RUNX1: variants seen among roughly 807,000 people sequenced by gnomAD.
The protein encoded by RUNX1 is runt-related transcription factor 1.
Under a neutral mutation model 42.8 loss-of-function variants are expected in RUNX1, and 19 were observed. The ratio of observed to expected loss-of-function variants is 0.44; its 90% CI spans 0.31 to 0.65. The LOEUF (loss-of-function observed/expected upper bound fraction) is 0.65. RUNX1 is among the 30% of genes least tolerant of loss of function. The probability of loss-of-function intolerance (pLI) is 0.07; values close to 1 mark genes in which losing one functional copy is unlikely to be tolerated. For synonymous variants in RUNX1, 271 were observed against 289.4 expected (o/e 0.94, Z 0.64); for missense variants, 528 against 672.0 (o/e 0.79, Z 2.37).
At chr21:34,946,293 T>C (rs919676388) in intron 2 of RUNX1, among the ~76,000 whole-genome samples, 3 of 152,196 alleles carry the variant, frequency 2.0e-5, no homozygotes, top group African/African-American at 7.2e-5. Context: ...TTAATGTTTT[T>C]AACCTTTTCT....
At chr21:34,963,248 T>C (rs865859216) in intron 2 of RUNX1, among the ~76,000 whole-genome samples, 21 of 152,246 alleles carry the variant, frequency 1.4e-4, no homozygotes, top group Middle Eastern at 6.8e-3. Flanking sequence ...GAACCACTGC[T>C]CTGTGTTTAT....
intron 6 of RUNX1, among the ~76,000 whole-genome samples, chr21:34,856,604 T>C (rs183684448): frequency 3.0e-4 from 46 of 152,346 alleles, no homozygotes; most frequent in African/African-American, 1.1e-3. Flanking sequence ...CTTTTAAAGC[T>C]AGGCAAACCG....
intron 5 of RUNX1, among the ~76,000 whole-genome samples, chr21:34,864,393 G>A (rs922597398): frequency 1.3e-5 from 2 of 152,338 alleles, no homozygotes; most frequent in South Asian, 2.1e-4. Flanking sequence ...AAATAGCAAC[G>A]GCCCCAAAAT....
At chr21:34,980,345 A>C (rs994891990) in intron 2 of RUNX1, among the ~76,000 whole-genome samples, 1 of 152,240 alleles carries the variant, frequency 6.6e-6, no homozygotes, top group Admixed American at 6.5e-5. Flanking sequence ...AAGCCAGGCC[A>C]GTATGGGTCA....
intron 7 of RUNX1, among the ~76,000 whole-genome samples, chr21:34,809,550 T>TA (rs2056729774): frequency 6.6e-6 from 1 of 152,100 alleles, no homozygotes; most frequent in South Asian, 2.1e-4. Flanking sequence ...TGGCACCTGA[T>TA]ATCAAGAGGA....
At chr21:34,993,876 C>T (rs1225718905) in intron 2 of RUNX1, among the ~76,000 whole-genome samples, 1 of 152,078 alleles carries the variant, frequency 6.6e-6, no homozygotes, top group African/African-American at 2.4e-5. Context: ...AGGAATGTGA[C>T]ATGAATGACC....
chr21:34,823,188 G>A (rs2056934037), intron 7 of RUNX1, among the ~76,000 whole-genome samples: 1 of 152,212 alleles, frequency 6.6e-6, no homozygotes, highest in Admixed American at 6.5e-5. Context: ...CTCAGCGAGG[G>A]CCTTGAGGCT....
intron 7 of RUNX1, among the ~76,000 whole-genome samples, chr21:34,828,809 T>C (rs2146040277): frequency 6.6e-6 from 1 of 152,304 alleles, no homozygotes; most frequent in South Asian, 2.1e-4. Context: ...TGCCATGGGA[T>C]GACTCTCAGC....
At chr21:35,036,291 G>A (rs2059307405) in intron 2 of RUNX1, among the ~76,000 whole-genome samples, 1 of 152,116 alleles carries the variant, frequency 6.6e-6, no homozygotes, top group Non-Finnish European at 1.5e-5. Context: ...TATTATTATT[G>A]TTTATTGTGG....
chr21:35,039,149 A>G (rs1038289109), intron 2 of RUNX1, among the ~76,000 whole-genome samples: 4 of 152,228 alleles, frequency 2.6e-5, no homozygotes, highest in Admixed American at 6.5e-5. Flanking sequence ...TTAACCTGCA[A>G]AGGATTGTGG....
At chr21:34,915,422 G>C (rs2058305228) in intron 2 of RUNX1, among the ~76,000 whole-genome samples, 1 of 152,130 alleles carries the variant, frequency 6.6e-6, no homozygotes, top group East Asian at 1.9e-4. Flanking sequence ...GACAATACTT[G>C]ACATTCCTCT....
At chr21:35,001,724 T>C (rs1401580294) in intron 2 of RUNX1, among the ~76,000 whole-genome samples, 1 of 152,180 alleles carries the variant, frequency 6.6e-6, no homozygotes, top group Non-Finnish European at 1.5e-5. Flanking sequence ...ACAGATGCCA[T>C]GATATTATAT....
At chr21:34,848,323 T>C (rs2057345991) in intron 6 of RUNX1, among the ~76,000 whole-genome samples, 1 of 152,222 alleles carries the variant, frequency 6.6e-6, no homozygotes, top group South Asian at 2.1e-4. Context: ...TCACATCCCC[T>C]AGCAAGAGAG....
intron 2 of RUNX1, among the ~76,000 whole-genome samples, chr21:35,031,054 A>G (rs1192435990): frequency 6.6e-6 from 1 of 152,232 alleles, no homozygotes; most frequent in African/African-American, 2.4e-5. Context: ...CTTTTATCAA[A>G]AAGTTAAGAG....
chr21:34,841,443 G>T (rs147358590), intron 6 of RUNX1, among the ~76,000 whole-genome samples: 91 of 152,310 alleles, frequency 6.0e-4, no homozygotes, highest in Middle Eastern at 6.8e-3. Context: ...GTCCACCTGT[G>T]TATGGGGCTT....
At chr21:34,796,865 G>C (rs1005902382) in intron 8 of RUNX1, among the ~76,000 whole-genome samples, 1 of 152,200 alleles carries the variant, frequency 6.6e-6, no homozygotes, top group Admixed American at 6.5e-5. Flanking sequence ...TGTGGAGTCT[G>C]TCTGCAAAGG....
intron 2 of RUNX1, among the ~76,000 whole-genome samples, chr21:34,982,397 G>GGTGTGTGTGTGTGTGTGTGTGT (rs56091299): frequency 1.3e-5 from 2 of 148,322 alleles, no homozygotes; most frequent in African/African-American, 5.0e-5. Context: ...AGTCAAAAGG[G>GGTGTGTGTGTGTGTGTGTGTGT]GTGTGTGTGT....
At chr21:35,024,485 C>T (rs1328847961) in intron 2 of RUNX1, among the ~76,000 whole-genome samples, 1 of 152,188 alleles carries the variant, frequency 6.6e-6, no homozygotes, top group African/African-American at 2.4e-5. Context: ...TATGTGTGTG[C>T]TATTAGTAAT....
chr21:35,038,009 T>C (rs2059322370), intron 2 of RUNX1, among the ~76,000 whole-genome samples: 1 of 152,046 alleles, frequency 6.6e-6, no homozygotes, highest in Admixed American at 6.6e-5. Flanking sequence ...ATGGCTTTCC[T>C]GTCCCTAGCC....
Sources: gnomAD v4.1 joint callset for allele counts (sites outside exome capture counted in the v4.1 genomes callset) on GRCh38, gnomAD v4.1.1 for gene constraint, MANE v1.5 for transcripts, NCBI Gene and HGNC (gene_info 2026-07-23, HGNC 2026-07-21) for gene names.